The following IFNAR1 variants were observed in gnomAD, a reference collection of about 807,000 sequenced individuals.
IFNAR1 encodes the protein interferon alpha and beta receptor subunit 1.
Under a neutral mutation model 62.1 loss-of-function variants are expected in IFNAR1, and 47 were observed. The ratio of observed to expected loss-of-function variants is 0.76; its 90% CI spans 0.60 to 0.97. The LOEUF (loss-of-function observed/expected upper bound fraction) is 0.97. Among genes scored for constraint, IFNAR1 ranks in the 50% least tolerant of loss-of-function variants. IFNAR1 has a pLI of 0.00. For synonymous variants in IFNAR1, 219 were observed against 226.9 expected (o/e 0.97, Z 0.31); for missense variants, 638 against 654.5 (o/e 0.97, Z 0.27).
chr21:33,338,695 C>A (rs1167815975), intron 2 of IFNAR1, among the ~76,000 whole-genome samples: 1 of 151,382 alleles, frequency 6.6e-6, no homozygotes, highest in Non-Finnish European at 1.5e-5. Context: ...ATTCATATTT[C>A]ATATTCTGTT....
chr21:33,328,267 C>T (rs1279483893), intron 1 of IFNAR1, among the ~76,000 whole-genome samples: 2 of 152,106 alleles, frequency 1.3e-5, no homozygotes. Context: ...TAGCAGGCTT[C>T]AGAGAGAATA....
intron 5 of IFNAR1, among the ~76,000 whole-genome samples, chr21:33,344,079 A>G (rs2083320937): frequency 6.6e-6 from 1 of 152,160 alleles, no homozygotes; most frequent in Non-Finnish European, 1.5e-5. Flanking sequence ...TGAACCTGGG[A>G]GGTGGAAGTT....
chr21:33,339,264 A>G (rs971228871), intron 2 of IFNAR1, among the ~76,000 whole-genome samples: 3 of 152,156 alleles, frequency 2.0e-5, no homozygotes, highest in Non-Finnish European at 2.9e-5. Flanking sequence ...CTGATGTGGA[A>G]CCTTTTCAAG....
intron 6 of IFNAR1, among the ~76,000 whole-genome samples, chr21:33,347,183 G>A (rs373927505): frequency 6.7e-6 from 1 of 150,040 alleles, no homozygotes; most frequent in African/African-American, 2.5e-5. Flanking sequence ...AGACTGGAGT[G>A]CAGTGACATG....
chr21:33,356,715 T>C lies in IFNAR1; in HGVS notation c.*1166T>C, dbSNP rs150199046. 36 of 152,310 alleles carry C rather than the reference T, an allele frequency of 2.4e-4. No individual in the cohort carries two copies. The East Asian group carries it at 6.2e-3, about 26-fold the overall frequency. 9.4% of individuals were successfully genotyped at this position (152,310 alleles called of 1,614,324 possible). ...TTAGTATACATGCCATGCCAGAAGA[T>C]AGTGTATGCAAGAAGTCTTGGGACC... On this transcript the variant is annotated 3_prime_UTR_variant, in exon 11 of 11. Transcript: ENST00000270139.
intron 1 of IFNAR1, among the ~76,000 whole-genome samples, chr21:33,331,700 A>G (rs1377564023): frequency 6.6e-6 from 1 of 152,078 alleles, no homozygotes. Context: ...ATCCCTAGCT[A>G]TTCCAAGATT....
intron 5 of IFNAR1, 25 bp from the exon 6 acceptor site, chr21:33,345,221 T>C: frequency 8.7e-7 from 1 of 1,155,208 alleles, no homozygotes; most frequent in Non-Finnish European, 1.3e-6. Context: ...TGTGTGCTTT[T>C]TTTTATCTGT....
chr21:33,331,961 A>G (rs751022086), intron 1 of IFNAR1, among the ~76,000 whole-genome samples: 42 of 152,178 alleles, frequency 2.8e-4, no homozygotes, highest in Non-Finnish European at 4.9e-4. Flanking sequence ...GTGAGCAACT[A>G]CGTCCAAGCC....
rs1041549455 is a variant in IFNAR1, at chr21:33,359,459, CTG to C, written c.*3912_*3913del. Reference sequence around the variant, plus strand: ...CCTGAAGGAGCCACTGCAGCCGTCACTGTCCCCAGAGCCTGTGGAGATAGAGC... The same window carrying C: ...CCTGAAGGAGCCACTGCAGCCGTCACTCCCCAGAGCCTGTGGAGATAGAGC... On this transcript the variant is annotated 3_prime_UTR_variant, in exon 11 of 11. Transcript: ENST00000270139. The C allele has an allele frequency of 2.0e-5, 3 of 152,256 alleles. No homozygotes were observed. The highest frequency in any genetic ancestry group is 4.4e-5 in the Non-Finnish European group (3 of 68,064). The allele number at this position is 152,256 out of a possible 1,614,324, so 9.4% of individuals were successfully genotyped here.
chr21:33,349,696 G>T (rs565144843), intron 8 of IFNAR1, among the ~76,000 whole-genome samples, 153 bp downstream of exon 8: 1 of 152,118 alleles, frequency 6.6e-6, no homozygotes, highest in African/African-American at 2.4e-5. Context: ...AGGCCAAGGC[G>T]AGAGGATCAC....
rs142737016 is a variant in IFNAR1 at position 33,330,786 on chromosome 21, C to T, written c.77-4738C>T. Reference sequence around the variant, plus strand: ...CAGGATTCCTAGGATCATCTGGGAACGAGGAGGAACTTCTTCCTATGGCAA... The same window carrying T: ...CAGGATTCCTAGGATCATCTGGGAATGAGGAGGAACTTCTTCCTATGGCAA... On this transcript the variant is annotated intron_variant, in intron 1 of 10. Coordinates refer to ENST00000270139, the MANE Select transcript of IFNAR1 (RefSeq NM_000629.3). 9.2e-5 allele frequency among the ~76,000 whole-genome samples: 14 copies of T among 152,210 alleles called. No homozygotes were observed. The East Asian group carries it at 2.3e-3, about 25-fold the overall frequency.
intron 1 of IFNAR1, among the ~76,000 whole-genome samples, chr21:33,327,734 A>T (rs1316247307): frequency 6.6e-6 from 1 of 152,208 alleles, no homozygotes; most frequent in Non-Finnish European, 1.5e-5. Flanking sequence ...TTCATGACAC[A>T]GCCTCAAGAG....
At chr21:33,338,734 T>C (rs1021991213) in intron 2 of IFNAR1, among the ~76,000 whole-genome samples, 1 of 151,784 alleles carries the variant, frequency 6.6e-6, no homozygotes, top group African/African-American at 2.4e-5. Flanking sequence ...ATGATAATAG[T>C]TTTTTTGTTG....
At chr21:33,327,813 A>G (rs909515121) in intron 1 of IFNAR1, among the ~76,000 whole-genome samples, 1 of 152,228 alleles carries the variant, frequency 6.6e-6, no homozygotes, top group African/African-American at 2.4e-5. Flanking sequence ...GAGACATATC[A>G]ATCAGTACAT....
intron 5 of IFNAR1, 58 bp downstream of exon 5, chr21:33,343,734 G>T: frequency 8.0e-7 from 1 of 1,242,618 alleles, no homozygotes; most frequent in Non-Finnish European, 1.1e-6. Flanking sequence ...GTCAATTTTG[G>T]CATCTTCCCC....
At chr21:33,352,479 T>G (rs959894903) in intron 8 of IFNAR1, among the ~76,000 whole-genome samples, 1 of 152,110 alleles carries the variant, frequency 6.6e-6, no homozygotes, top group Non-Finnish European at 1.5e-5. Context: ...CATCTGCATC[T>G]GTAATCCCAA....
intron 6 of IFNAR1, among the ~76,000 whole-genome samples, chr21:33,347,904 G>A (rs926723812): frequency 4.6e-5 from 7 of 152,194 alleles, no homozygotes; most frequent in African/African-American, 1.7e-4. Context: ...AGTAGAATGG[G>A]ACAAGATTAG....
At position 33,358,352 on chromosome 21, in the gene IFNAR1, T is replaced by C. The variant is rs1476541245; in HGVS notation, c.*2803T>C. On this transcript the variant is annotated 3_prime_UTR_variant, in exon 11 of 11. Transcript: ENST00000270139. ...AATACCATGCACTTGGGGGTACCAA[T>C]TAACCGCCTGAAAATTAGCATATTG... is the stretch of plus-strand genomic sequence containing the variant. 1 of 151,878 alleles carries C rather than the reference T, an allele frequency of 6.6e-6. No individual in the cohort carries two copies. Among genetic ancestry groups the C allele is most frequent in the African/African-American group, 2.4e-5 (1 of 41,336 alleles). 9.4% of individuals were successfully genotyped at this position (151,878 alleles called of 1,614,324 possible).
chr21:33,329,469 TAA>T (rs879725788), intron 1 of IFNAR1, among the ~76,000 whole-genome samples: 4 of 143,364 alleles, frequency 2.8e-5, no homozygotes, highest in African/African-American at 2.5e-5. Context: ...ACATTAAGTT[TAA>T]AAAAAAAAAA....
Sources: allele counts gnomAD v4.1 joint callset (sites outside exome capture counted in the v4.1 genomes callset), GRCh38; gene constraint gnomAD v4.1.1; transcripts MANE v1.5; gene names NCBI Gene and HGNC (gene_info 2026-07-23, HGNC 2026-07-21).